The following GRHL2 variants were observed in gnomAD, a reference collection of about 807,000 sequenced individuals.
The protein encoded by GRHL2 is grainyhead-like protein 2 homolog.
Under a neutral mutation model 83.8 loss-of-function variants are expected in GRHL2, and 21 were observed. The observed-to-expected ratio is 0.25, with a 90% CI of 0.18 to 0.36. The LOEUF (loss-of-function observed/expected upper bound fraction) is 0.36. Among genes scored for constraint, GRHL2 ranks in the 10% least tolerant of loss-of-function variants. The probability of loss-of-function intolerance (pLI) is 1.00; values close to 1 mark genes in which losing one functional copy is unlikely to be tolerated. For synonymous variants in GRHL2, 280 were observed against 278.9 expected (o/e 1.00, Z -0.04); for missense variants, 623 against 781.8 (o/e 0.80, Z 2.42).
chr8:101,643,348 C>A (rs931432480), intron 12 of GRHL2, among the ~76,000 whole-genome samples: 7 of 140,574 alleles, frequency 5.0e-5, no homozygotes, highest in African/African-American at 1.9e-4. Flanking sequence ...TGACTTCTAT[C>A]CTCTTAGTTT....
rs1052522138 is a variant in GRHL2 at position 101,565,596 on chromosome 8, A to G, written c.679-4743A>G. Among the ~76,000 whole-genome samples, 3 of 152,184 alleles carry G rather than the reference A, an allele frequency of 2.0e-5. No homozygotes were observed. The East Asian group carries it at 5.8e-4, about 29-fold the overall frequency. On this transcript the variant is annotated intron_variant, in intron 4 of 15. Coordinates refer to ENST00000646743, the MANE Select transcript of GRHL2 (RefSeq NM_024915.4). ...TCTCCCCAGCAGAGGAAGGGAGGCC[A>G]TGGAGATGGCATACTGACTTGTAAA...
At chr8:101,661,006 G>A (rs1311276678) in intron 14 of GRHL2, among the ~76,000 whole-genome samples, 1 of 152,148 alleles carries the variant, frequency 6.6e-6, no homozygotes, top group Non-Finnish European at 1.5e-5. Context: ...TTTCACATTT[G>A]CAGTCCACAT....
At chr8:101,512,782 G>A (rs953950868) in intron 1 of GRHL2, among the ~76,000 whole-genome samples, 13 of 152,288 alleles carry the variant, frequency 8.5e-5, no homozygotes, top group South Asian at 2.1e-4. Flanking sequence ...TAATGGTGCC[G>A]TTGGTTTCTT....
intron 9 of GRHL2, among the ~76,000 whole-genome samples, chr8:101,626,864 A>G (rs1251702344): frequency 2.0e-5 from 3 of 152,086 alleles, no homozygotes; most frequent in Non-Finnish European, 4.4e-5. Context: ...TGCTCAAGGA[A>G]TGTTTTCTTT....
At chr8:101,603,550 G>A (rs972487185) in intron 8 of GRHL2, among the ~76,000 whole-genome samples, 8 of 152,138 alleles carry the variant, frequency 5.3e-5, no homozygotes, top group Admixed American at 2.6e-4. Context: ...ATAGGAAAAC[G>A]TTTGGCCAGG....
At position 101,659,363 on chromosome 8, in the gene GRHL2, T is replaced by C. The variant is rs1395006405; in HGVS notation, c.1699-5091T>C. 2.0e-5 allele frequency among the ~76,000 whole-genome samples: 3 copies of C among 152,178 alleles called. No homozygotes were observed. In the East Asian group the frequency reaches 5.8e-4, roughly 29 times the overall value. On this transcript the variant is annotated intron_variant, in intron 14 of 15. Coordinates refer to ENST00000646743, the MANE Select transcript of GRHL2 (RefSeq NM_024915.4). ...AAAATAAAGATGAATGTTTTCCCCA[T>C]CCAAGTTCATATATATACTGTTTGG...
chr8:101,681,189 TAAAG>T, the GRHL2 span, among the ~76,000 whole-genome samples: 2 of 135,836 alleles, frequency 1.5e-5, no homozygotes, highest in African/African-American at 2.9e-5. Flanking sequence ...GCAAGACTAA[TAAAG>T]AAGAAAAGAG....
chr8:101,636,814 C>A, intron 11 of GRHL2, 83 bp from the exon 12 acceptor site: 1 of 1,183,410 alleles, frequency 8.5e-7, no homozygotes, highest in Non-Finnish European at 1.3e-6. Context: ...ACAGTTTATG[C>A]CTTAGGAAAG....
At chr8:101,495,873 G>C (rs1006804592) in intron 1 of GRHL2, among the ~76,000 whole-genome samples, 3 of 152,130 alleles carry the variant, frequency 2.0e-5, no homozygotes, top group East Asian at 1.9e-4. Flanking sequence ...CAGGGGCCAG[G>C]CGCGGCGGCT....
chr8:101,672,797 C>T (rs1185376562), downstream of GRHL2, among the ~76,000 whole-genome samples: 13 of 151,484 alleles, frequency 8.6e-5, no homozygotes, highest in Non-Finnish European at 1.8e-4. Context: ...TAAGGGCAGC[C>T]AGAGAGAAAG....
chr8:101,519,012 G>C (rs918407498), intron 1 of GRHL2, among the ~76,000 whole-genome samples: 6 of 150,182 alleles, frequency 4.0e-5, no homozygotes, highest in Non-Finnish European at 7.4e-5. Flanking sequence ...ACAAATTTTT[G>C]AGATGTCTGC....
chr8:101,645,852 T>C (rs920784560), intron 13 of GRHL2, among the ~76,000 whole-genome samples: 11 of 152,156 alleles, frequency 7.2e-5, no homozygotes, highest in Non-Finnish European at 1.5e-4. Context: ...GTTAGAAACA[T>C]TTAAAGGTTT....
intron 2 of GRHL2, 80 bp from the exon 3 acceptor site, chr8:101,552,635 T>C: frequency 1.5e-6 from 2 of 1,363,768 alleles, no homozygotes; most frequent in Non-Finnish European, 2.1e-6. Flanking sequence ...TTGGTTTCTT[T>C]GCTTATGCCG....
At chr8:101,600,639 A>G (rs1812490408) in intron 8 of GRHL2, among the ~76,000 whole-genome samples, 1 of 152,228 alleles carries the variant, frequency 6.6e-6, no homozygotes, top group Admixed American at 6.5e-5. Context: ...TGAGCAAGTT[A>G]TCTGACCTCT....
chr8:101,641,577 C>G (rs138810235), intron 12 of GRHL2, among the ~76,000 whole-genome samples: 1 of 152,162 alleles, frequency 6.6e-6, no homozygotes, highest in Non-Finnish European at 1.5e-5. Context: ...TCCAATGAAA[C>G]TTAGCACTAC....
intron 1 of GRHL2, among the ~76,000 whole-genome samples, chr8:101,498,649 G>T (rs1177272360): frequency 6.6e-6 from 1 of 152,136 alleles, no homozygotes; most frequent in Non-Finnish European, 1.5e-5. Flanking sequence ...TGACTGCAGG[G>T]TCTGGGCCAT....
chr8:101,635,719 C>T (rs915068873), intron 11 of GRHL2, among the ~76,000 whole-genome samples: 5 of 152,066 alleles, frequency 3.3e-5, no homozygotes, highest in Admixed American at 6.5e-5. Context: ...AAAAAACTTA[C>T]CTCCACTGTT....
chr8:101,546,102 G>A (rs1192626631), intron 2 of GRHL2, among the ~76,000 whole-genome samples: 3 of 151,834 alleles, frequency 2.0e-5, no homozygotes, highest in African/African-American at 4.8e-5. Flanking sequence ...GGATGGTCTC[G>A]ATCTCTTGAC....
intron 14 of GRHL2, among the ~76,000 whole-genome samples, chr8:101,656,319 T>A (rs1563629588): frequency 6.6e-6 from 1 of 152,230 alleles, no homozygotes; most frequent in African/African-American, 2.4e-5. Flanking sequence ...GATCTTCACA[T>A]GCCCTGCTAC....
Sources: allele counts gnomAD v4.1 joint callset (sites outside exome capture counted in the v4.1 genomes callset), GRCh38; gene constraint gnomAD v4.1.1; transcripts MANE v1.5; gene names NCBI Gene and HGNC (gene_info 2026-07-23, HGNC 2026-07-21).